Variants in GNAI1 observed in about 807,000 individuals in gnomAD.
GNAI1 encodes the protein guanine nucleotide-binding protein G(i) subunit alpha-1.
A neutral mutation model predicts 38.9 loss-of-function variants in GNAI1; 11 were observed. The ratio of observed to expected loss-of-function variants is 0.28; its 90% CI spans 0.18 to 0.47. GNAI1 has a LOEUF of 0.47. Ranked by LOEUF, GNAI1 falls within the 20% of genes least tolerant of loss-of-function variation. GNAI1 has a pLI of 0.99. For missense variants in GNAI1, 317 were observed against 436.9 expected (o/e 0.73, Z 2.45); for synonymous variants, 166 against 145.1 (o/e 1.14, Z -1.04).
chr7:80,217,225 T>TGTATGAAACTGACTTCAGTTTCATAG, intron 7 of GNAI1, 78 bp from the exon 8 acceptor site: 12 of 905,142 alleles, frequency 1.3e-5, no homozygotes, highest in East Asian at 5.1e-5. Context: ...CAGTTTCATA[T>TGTATGAAACTGACTTCAGTTTCATAG]GTATGAAACT....
intron 1 of GNAI1, among the ~76,000 whole-genome samples, chr7:80,166,642 A>G (rs1229434546): frequency 2.6e-5 from 4 of 152,148 alleles, no homozygotes; most frequent in African/African-American, 9.7e-5. Flanking sequence ...TTAACTCTAC[A>G]TGTGATAATT....
At chr7:80,152,817 C>A (rs542743789) in intron 1 of GNAI1, among the ~76,000 whole-genome samples, 1 of 151,684 alleles carries the variant, frequency 6.6e-6, no homozygotes, top group African/African-American at 2.4e-5. Flanking sequence ...CTGATATGCC[C>A]GCCTCGGCCT....
chr7:80,172,879 G>A (rs968570723), intron 1 of GNAI1, among the ~76,000 whole-genome samples: 6 of 152,066 alleles, frequency 3.9e-5, no homozygotes, highest in Non-Finnish European at 5.9e-5. Flanking sequence ...TTTTTAAAAC[G>A]TAAAGATGGA....
chr7:80,197,231 G>A (rs1027037827), intron 3 of GNAI1, among the ~76,000 whole-genome samples: 1 of 146,750 alleles, frequency 6.8e-6, no homozygotes, highest in East Asian at 2.0e-4. Flanking sequence ...AGTGAAATAA[G>A]CCAGACACAG....
At chr7:80,135,504 T>C (rs1383857232) in intron 1 of GNAI1, 1 of 407,146 alleles carries the variant, frequency 2.5e-6, no homozygotes, top group African/African-American at 2.1e-5. Context: ...GGCGGGCGCG[T>C]CACTTCACTC....
intron 1 of GNAI1, among the ~76,000 whole-genome samples, chr7:80,143,904 ATGTG>A (rs796509056): frequency 1.3e-5 from 1 of 76,266 alleles, no homozygotes; most frequent in African/African-American, 3.8e-5. Context: ...CTTAGCAAGG[ATGTG>A]TGTGTGTGTG....
chr7:80,173,126 A>G (rs1788124580), intron 1 of GNAI1, among the ~76,000 whole-genome samples: 1 of 152,124 alleles, frequency 6.6e-6, no homozygotes, highest in Admixed American at 6.5e-5. Context: ...TTAAGGTGAA[A>G]GGACACCTCC....
At chr7:80,210,506 C>T (rs994769403) in intron 5 of GNAI1, among the ~76,000 whole-genome samples, 6 of 151,322 alleles carry the variant, frequency 4.0e-5, no homozygotes, top group African/African-American at 7.4e-5. Flanking sequence ...TGAGTTAAAA[C>T]GACATGTTTT....
At chr7:80,148,042 G>A (rs1787658479) in intron 1 of GNAI1, among the ~76,000 whole-genome samples, 1 of 152,080 alleles carries the variant, frequency 6.6e-6, no homozygotes, top group Non-Finnish European at 1.5e-5. Flanking sequence ...GTTTAGTTAT[G>A]TTTAAATATA....
chr7:80,192,984 G>A (rs542455825), intron 3 of GNAI1, among the ~76,000 whole-genome samples: 29 of 150,696 alleles, frequency 1.9e-4, no homozygotes, highest in Non-Finnish European at 3.2e-4. Flanking sequence ...TAGGCATGAG[G>A]CACCGCACCC....
At chr7:80,201,302 G>T (rs1788682440) in intron 4 of GNAI1, among the ~76,000 whole-genome samples, 1 of 152,182 alleles carries the variant, frequency 6.6e-6, no homozygotes, top group Non-Finnish European at 1.5e-5. Context: ...CAATAATTAA[G>T]GGGTACTACT....
At chr7:80,150,155 C>CT (rs1320021826) in intron 1 of GNAI1, among the ~76,000 whole-genome samples, 1 of 152,036 alleles carries the variant, frequency 6.6e-6, no homozygotes, top group African/African-American at 2.4e-5. Context: ...GGTTACATAC[C>CT]TTTGAATCGA....
rs1789121505 is a variant in GNAI1 at position 80,224,096 on chromosome 7, CAT to C, written c.*6607_*6608del. On this transcript the variant is annotated 3_prime_UTR_variant, in exon 8 of 8. Coordinates refer to ENST00000649796, the MANE Select transcript of GNAI1 (RefSeq NM_002069.6). ...AAATCAAGACCTTGAAAAATGTACT[CAT>C]ATAGTAAGATTTACTCAAAACCACG... 6.6e-6 allele frequency among the ~76,000 whole-genome samples: 1 copy of C among 152,130 alleles called. No individual in the cohort carries two copies. Among genetic ancestry groups the C allele is most frequent in the Non-Finnish European group, 1.5e-5 (1 of 68,034 alleles).
chr7:80,217,403 T>C lies in GNAI1; in HGVS notation c.975T>C (p.Cys325=). Residue 325 remains cysteine (C), a synonymous_variant, in exon 8 of 8, where the codon TGT becomes TGC. Coordinates refer to ENST00000649796, the MANE Select transcript of GNAI1 (RefSeq NM_002069.6). ...DTKEIYTHFT[C]ATDTKNVQFV... is the part of the protein sequence containing the mutation. ...AGGAAATATACACCCACTTCACATG[T>C]GCCACAGATACTAAGAATGTGCAGT... The C allele has an allele frequency of 6.2e-7, 1 of 1,607,034 alleles. No individual in the cohort carries two copies. Among genetic ancestry groups the C allele is most frequent in the Non-Finnish European group, 8.5e-7 (1 of 1,174,458 alleles).
At chr7:80,191,083 T>C (rs1788471653) in intron 3 of GNAI1, among the ~76,000 whole-genome samples, 2 of 152,162 alleles carry the variant, frequency 1.3e-5, no homozygotes, top group African/African-American at 4.8e-5. Context: ...GTAACTGTCT[T>C]CTTCCTGCCT....
chr7:80,175,398 A>G (rs1268779933), intron 1 of GNAI1, among the ~76,000 whole-genome samples: 3 of 150,218 alleles, frequency 2.0e-5, no homozygotes, highest in African/African-American at 7.3e-5. Flanking sequence ...AAAAATAATG[A>G]AAGACATCAA....
At chr7:80,208,315 TTCTAA>T (rs1179338251) in intron 5 of GNAI1, among the ~76,000 whole-genome samples, 1 of 152,218 alleles carries the variant, frequency 6.6e-6, no homozygotes, top group Non-Finnish European at 1.5e-5. Flanking sequence ...ATGAAGATAC[TTCTAA>T]TATAAGTGTA....
At chr7:80,156,027 AG>A (rs1787811368) in intron 1 of GNAI1, among the ~76,000 whole-genome samples, 1 of 146,136 alleles carries the variant, frequency 6.8e-6, no homozygotes, top group African/African-American at 2.6e-5. Context: ...TGGGCAACAG[AG>A]CAAGACTCTG....
intron 1 of GNAI1, among the ~76,000 whole-genome samples, chr7:80,146,500 A>G (rs1286709540): frequency 2.0e-5 from 3 of 152,126 alleles, no homozygotes; most frequent in Admixed American, 6.5e-5. Context: ...TTCCTACTGT[A>G]TGTCCTTGCT....
Sources: gnomAD v4.1 joint callset for allele counts (sites outside exome capture counted in the v4.1 genomes callset) on GRCh38, gnomAD v4.1.1 for gene constraint, MANE v1.5 for transcripts, NCBI Gene and HGNC (gene_info 2026-07-23, HGNC 2026-07-21) for gene names.